The following ZNF521 variants were observed in gnomAD, a reference collection of about 807,000 sequenced individuals.
ZNF521 encodes zinc finger protein 521.
A neutral mutation model predicts 105.5 loss-of-function variants in ZNF521; 14 were observed. The observed-to-expected ratio is 0.13, with a 90% CI of 0.09 to 0.21. The LOEUF is 0.21. Ranked by LOEUF, ZNF521 falls within the 10% of genes least tolerant of loss-of-function variation. The pLI, the probability that ZNF521 is intolerant of heterozygous loss-of-function variation, is 1.00. For synonymous variants in ZNF521, 635 were observed against 606.0 expected, an observed-to-expected ratio of 1.05 and a Z score of -0.70; for missense variants, 1,233 against 1,629.7, an observed-to-expected ratio of 0.76 and a Z score of 4.19.
At chr18:25,192,047 TAA>T (rs1217800614) in intron 5 of ZNF521, among the ~76,000 whole-genome samples, 1 of 152,146 alleles carries the variant, frequency 6.6e-6, no homozygotes, top group Non-Finnish European at 1.5e-5. Flanking sequence ...GCACAGATCT[TAA>T]AAGAGGGAAA....
intron 3 of ZNF521, among the ~76,000 whole-genome samples, chr18:25,263,857 C>A (rs1030919687): frequency 3.3e-5 from 5 of 152,182 alleles, no homozygotes; most frequent in African/African-American, 9.7e-5. Flanking sequence ...GGATTACAGG[C>A]ATAAGCCACA....
chr18:25,228,059 G>C (rs1906295981), intron 3 of ZNF521, among the ~76,000 whole-genome samples: 1 of 152,080 alleles, frequency 6.6e-6, no homozygotes, highest in East Asian at 1.9e-4. Flanking sequence ...CTTCTAAAAT[G>C]ATTTGCATAT....
rs565250720 is a variant in ZNF521, at chr18:25,117,846, G to T, written c.3659-25765C>A. 2.6e-5 allele frequency among the ~76,000 whole-genome samples: 4 copies of T among 152,116 alleles called. No homozygotes were observed. The East Asian group carries it at 7.7e-4, about 29-fold the overall frequency. The stretch of plus-strand genomic sequence containing the variant: ...ATAGTTTAAAAAATAATGGCAAAAT[G>T]TCCCAAATTTAGTGAAAGATACAAC... On this transcript the variant is annotated intron_variant, in intron 5 of 7. Transcript: ENST00000361524.
intron 5 of ZNF521, among the ~76,000 whole-genome samples, chr18:25,170,044 C>T (rs891266431): frequency 3.3e-5 from 5 of 151,828 alleles, no homozygotes; most frequent in African/African-American, 4.8e-5. Context: ...AAATCATAAA[C>T]AAGAGTTTAC....
chr18:25,254,218 G>A lies in ZNF521; in HGVS notation c.221-26521C>T, dbSNP rs536820426. 5.0e-3 allele frequency among the ~76,000 whole-genome samples: 767 copies of A among 152,198 alleles called. 9 individuals are homozygous for A. The highest frequency in any genetic ancestry group is 6.8e-3 in the Non-Finnish European group (460 of 67,968). ...GGACAGTAAAGGCTGGCTGCACCAT[G>A]CAATAAAAATCAATGAAGCAAGGTA... On this transcript the variant is annotated intron_variant, in intron 3 of 7. Transcript: ENST00000361524.
chr18:25,301,543 G>A (rs868233644), intron 3 of ZNF521, among the ~76,000 whole-genome samples: 3 of 152,180 alleles, frequency 2.0e-5, no homozygotes, highest in Non-Finnish European at 2.9e-5. Context: ...ATTGTTCTGA[G>A]AGCCTCAAAG....
At chr18:25,233,024 A>G (rs986359550) in intron 3 of ZNF521, among the ~76,000 whole-genome samples, 1 of 152,198 alleles carries the variant, frequency 6.6e-6, no homozygotes, top group African/African-American at 2.4e-5. Flanking sequence ...ACAGGTGTGC[A>G]CAAACACTAA....
intron 5 of ZNF521, among the ~76,000 whole-genome samples, chr18:25,104,568 G>C (rs1359914325): frequency 1.3e-5 from 2 of 152,136 alleles, no homozygotes; most frequent in Non-Finnish European, 2.9e-5. Flanking sequence ...CTGGCCTCTT[G>C]CCCTTTTCTT....
At chr18:25,084,657 C>A (rs2033581377) in intron 7 of ZNF521, among the ~76,000 whole-genome samples, 1 of 152,046 alleles carries the variant, frequency 6.6e-6, no homozygotes, top group South Asian at 2.1e-4. Flanking sequence ...AATTTCAGAG[C>A]CTAAAGTTCA....
intron 5 of ZNF521, among the ~76,000 whole-genome samples, chr18:25,118,773 T>A (rs768308230): frequency 4.6e-5 from 7 of 152,046 alleles, no homozygotes; most frequent in Non-Finnish European, 8.8e-5. Context: ...GAGGCCTAAA[T>A]CTAACCACAT....
At chr18:25,346,379 G>A (rs1438888787) in intron 2 of ZNF521, among the ~76,000 whole-genome samples, 1 of 152,058 alleles carries the variant, frequency 6.6e-6, no homozygotes, top group African/African-American at 2.4e-5. Context: ...GGACTGCAGA[G>A]TTTAATGTTT....
At chr18:25,279,315 T>TG (rs1488063034) in intron 3 of ZNF521, among the ~76,000 whole-genome samples, 2 of 152,196 alleles carry the variant, frequency 1.3e-5, no homozygotes, top group Non-Finnish European at 2.9e-5. Context: ...CAACATATGT[T>TG]AGTATAACTA....
At chr18:25,248,317 C>T (rs1470405299) in intron 3 of ZNF521, among the ~76,000 whole-genome samples, 1 of 152,160 alleles carries the variant, frequency 6.6e-6, no homozygotes, top group African/African-American at 2.4e-5. Flanking sequence ...TGGAGCTTTA[C>T]CCAGGAAGAA....
chr18:25,268,855 G>A (rs1384614937), intron 3 of ZNF521, among the ~76,000 whole-genome samples: 1 of 152,126 alleles, frequency 6.6e-6, no homozygotes, highest in Admixed American at 6.5e-5. Context: ...TCAACACTAT[G>A]AAGAAATTGC....
intron 4 of ZNF521, among the ~76,000 whole-genome samples, chr18:25,210,590 A>G (rs898958944): frequency 2.0e-4 from 30 of 152,324 alleles, no homozygotes; most frequent in African/African-American, 6.3e-4. Context: ...TGTTCTATTC[A>G]TGTGTGGCTC....
At chr18:25,178,446 T>G (rs970815534) in intron 5 of ZNF521, among the ~76,000 whole-genome samples, 8 of 152,212 alleles carry the variant, frequency 5.3e-5, no homozygotes, top group African/African-American at 1.9e-4. Flanking sequence ...ACTTGCTACT[T>G]TGCAGAGACG....
intron 4 of ZNF521, among the ~76,000 whole-genome samples, chr18:25,205,204 A>G (rs562571909): frequency 1.3e-5 from 2 of 148,644 alleles, no homozygotes; most frequent in African/African-American, 2.5e-5. Flanking sequence ...TTTTTGAGCT[A>G]GGAAAAGGAA....
chr18:25,172,211 C>T (rs1243163040), intron 5 of ZNF521, among the ~76,000 whole-genome samples: 1 of 152,142 alleles, frequency 6.6e-6, no homozygotes, highest in Non-Finnish European at 1.5e-5. Flanking sequence ...ATCAGACATT[C>T]AATAAATACA....
At chr18:25,311,109 G>C (rs1447837908) in intron 3 of ZNF521, among the ~76,000 whole-genome samples, 1 of 152,086 alleles carries the variant, frequency 6.6e-6, no homozygotes, top group Non-Finnish European at 1.5e-5. Flanking sequence ...CCAATTCCTT[G>C]AAGTTTAAAG....
Sources: allele counts gnomAD v4.1 joint callset (sites outside exome capture counted in the v4.1 genomes callset), GRCh38; gene constraint gnomAD v4.1.1; transcripts MANE v1.5; gene names NCBI Gene and HGNC (gene_info 2026-07-23, HGNC 2026-07-21).